DOCK9: variants seen among roughly 807,000 people sequenced by gnomAD.
DOCK9 encodes the protein dedicator of cytokinesis 9, also known as dedicator of cytokinesis protein 9.
DOCK9 carries 89 observed loss-of-function variants against 263.3 expected under a neutral mutation model. The observed-to-expected ratio is 0.34, with a 90% CI of 0.28 to 0.40. The LOEUF (loss-of-function observed/expected upper bound fraction) is 0.40, where lower values mean the gene tolerates loss of function less well. Ranked by LOEUF, DOCK9 falls within the 10% of genes least tolerant of loss-of-function variation. The pLI is 1.00. For synonymous variants in DOCK9, 976 were observed against 973.1 expected, an observed-to-expected ratio of 1.00 and a Z score of -0.06; for missense variants, 2,140 against 2,603.4, an observed-to-expected ratio of 0.82 and a Z score of 3.87.
Position 98,903,131 on chromosome 13 carries a change from A to T in DOCK9, c.1036-19T>A. The T allele has an allele frequency of 6.7e-7, 1 of 1,483,786 alleles. No individual in the cohort carries two copies. The highest frequency in any genetic ancestry group is 8.9e-7 in the Non-Finnish European group (1 of 1,121,356). The allele number at this position is 1,483,786 out of a possible 1,614,324, so 91.9% of individuals were successfully genotyped here. ...CAAGCTTCTTTAAAAGAAAATGTAAACATATAAATAAGTTATGCTCTTATT... is the reference window on the plus strand; with the variant it reads ...CAAGCTTCTTTAAAAGAAAATGTAATCATATAAATAAGTTATGCTCTTATT... On this transcript the variant is annotated intron_variant, in intron 10 of 52. Transcript: ENST00000682017.
chr13:98,950,387 C>T, intron 2 of DOCK9: 1 of 912,382 alleles, frequency 1.1e-6, no homozygotes, highest in Non-Finnish European at 1.7e-6. Context: ...GCTTGATAAG[C>T]CTTCCTCTTT....
rs144100146 is a variant in DOCK9 at position 98,834,879 on chromosome 13, T to TAC, written c.4314+2613_4314+2614dup. Among the ~76,000 whole-genome samples, 249 of 151,016 alleles carry TAC rather than the reference T, an allele frequency of 1.6e-3. 1 individual carries two copies. The highest frequency in any genetic ancestry group is 4.3e-3 in the African/African-American group (178 of 41,260). On this transcript the variant is annotated intron_variant, in intron 39 of 52. Coordinates refer to ENST00000682017, the MANE Select transcript of DOCK9 (RefSeq NM_001366683.2). Reference sequence around the variant, plus strand: ...CAACTCACTTCATCTTTCTCTCTCATACACACACACACACACAAACACACT... The same window carrying TAC: ...CAACTCACTTCATCTTTCTCTCTCATACACACACACACACACACAAACACACT...
chr13:98,858,474 C>T (rs1398345846), intron 33 of DOCK9: 1 of 152,148 alleles, frequency 6.6e-6, no homozygotes, highest in Non-Finnish European at 1.5e-5. Context: ...GGAGAGTTTG[C>T]TCTTGAAGGA....
intron 1 of DOCK9, among the ~76,000 whole-genome samples, chr13:99,019,875 C>T (rs574605243): frequency 6.6e-5 from 10 of 152,114 alleles, no homozygotes; most frequent in African/African-American, 1.7e-4. Flanking sequence ...CCGAGGCGGG[C>T]AGATCACCTG....
intron 45 of DOCK9, among the ~76,000 whole-genome samples, chr13:98,812,842 A>T (rs549228720): frequency 2.6e-5 from 4 of 152,326 alleles, no homozygotes; most frequent in African/African-American, 9.6e-5. Flanking sequence ...AAATTATAGT[A>T]AGCTAATGAC....
intron 50 of DOCK9, among the ~76,000 whole-genome samples, chr13:98,798,029 T>C (rs1456858795): frequency 6.6e-6 from 1 of 152,216 alleles, no homozygotes. Context: ...GCGTTTGCGG[T>C]GTGCTGGAGA....
At chr13:98,835,620 T>C (rs2092961947) in intron 39 of DOCK9, among the ~76,000 whole-genome samples, 1 of 152,004 alleles carries the variant, frequency 6.6e-6, no homozygotes, top group Admixed American at 6.6e-5. Flanking sequence ...CAGGTAACAG[T>C]GCTACTGTCA....
chr13:99,007,138 C>A (rs981294637), intron 1 of DOCK9, among the ~76,000 whole-genome samples: 6 of 151,948 alleles, frequency 3.9e-5, no homozygotes, highest in Non-Finnish European at 8.8e-5. Context: ...GCCTGTAATC[C>A]CAGCACTTTG....
chr13:98,921,472 T>C (rs1165836749), intron 6 of DOCK9, among the ~76,000 whole-genome samples: 1 of 152,200 alleles, frequency 6.6e-6, no homozygotes, highest in East Asian at 1.9e-4. Context: ...CTGAATGATT[T>C]TCCAGCCTTA....
intron 52 of DOCK9, among the ~76,000 whole-genome samples, chr13:98,795,872 C>T (rs2089317991): frequency 6.6e-6 from 1 of 151,980 alleles, no homozygotes; most frequent in Non-Finnish European, 1.5e-5. Flanking sequence ...AATTCTCCTG[C>T]CTCAGCCTCC....
intron 2 of DOCK9, among the ~76,000 whole-genome samples, chr13:98,936,373 A>T (rs1410609213): frequency 4.6e-5 from 7 of 152,124 alleles, no homozygotes; most frequent in Admixed American, 3.3e-4. Flanking sequence ...GAGTAAATAC[A>T]CTTTGGGAGG....
intron 27 of DOCK9, among the ~76,000 whole-genome samples, chr13:98,868,731 G>T (rs113136016): frequency 1.3e-5 from 2 of 152,150 alleles, no homozygotes; most frequent in African/African-American, 4.8e-5. Context: ...TCCAGCCAGG[G>T]TGACAAAGCA....
chr13:99,011,400 A>G (rs1884452683), intron 1 of DOCK9, among the ~76,000 whole-genome samples: 1 of 152,232 alleles, frequency 6.6e-6, no homozygotes, highest in Non-Finnish European at 1.5e-5. Flanking sequence ...GAATTTGGTC[A>G]TATGTTTGGA....
chr13:99,061,033 A>G (rs2041165588), intron 1 of DOCK9, among the ~76,000 whole-genome samples: 1 of 152,256 alleles, frequency 6.6e-6, no homozygotes, highest in African/African-American at 2.4e-5. Context: ...GACAGTAAAT[A>G]TGTTTTCACA....
intron 2 of DOCK9, among the ~76,000 whole-genome samples, chr13:98,934,451 C>G (rs1260380632): frequency 3.3e-5 from 5 of 152,160 alleles, no homozygotes; most frequent in African/African-American, 1.2e-4. Flanking sequence ...AACAGAAGAA[C>G]CACCCAGCTG....
intron 1 of DOCK9, among the ~76,000 whole-genome samples, chr13:99,072,957 C>A (rs1357552208): frequency 6.6e-6 from 1 of 152,098 alleles, no homozygotes; most frequent in Non-Finnish European, 1.5e-5. Flanking sequence ...CAAAATCACA[C>A]CACTGCACTC....
At chr13:98,876,184 C>CA (rs1173109869) in intron 27 of DOCK9, among the ~76,000 whole-genome samples, 13 of 152,328 alleles carry the variant, frequency 8.5e-5, no homozygotes, top group African/African-American at 2.9e-4. Flanking sequence ...TGTGCCTCGT[C>CA]ATGACACTTC....
rs1200054188 is a variant in DOCK9, at chr13:98,903,016, A to G, written c.1132T>C (p.Leu378=). ...TCATTTTCGGCAACACAGCATTGCA[A>G]ATTGAAAGATAAATCATTGCACTTG... ...LVKCNDLSFN[L]QCCVAENEEG... is the part of the protein sequence containing the mutation. Residue 378 remains leucine (L), a synonymous_variant, in exon 11 of 53, where the codon TTG becomes CTG. Transcript: ENST00000682017. 3 of 1,538,276 alleles carry G rather than the reference A, an allele frequency of 2.0e-6. No homozygotes were observed. Among genetic ancestry groups the G allele is most frequent in the Non-Finnish European group, 1.7e-6 (2 of 1,143,150 alleles).
intron 45 of DOCK9, among the ~76,000 whole-genome samples, chr13:98,810,836 A>G (rs1284680189): frequency 6.6e-6 from 1 of 152,208 alleles, no homozygotes; most frequent in African/African-American, 2.4e-5. Context: ...GGAAGTTAAC[A>G]CTACCCATGG....
Sources: gnomAD v4.1 joint callset for allele counts (sites outside exome capture counted in the v4.1 genomes callset) on GRCh38, gnomAD v4.1.1 for gene constraint, MANE v1.5 for transcripts, NCBI Gene and HGNC (gene_info 2026-07-23, HGNC 2026-07-21) for gene names.